The following PELI2 variants were observed in gnomAD, a reference collection of about 807,000 sequenced individuals.
The protein encoded by PELI2 is pellino E3 ubiquitin protein ligase family member 2.
A neutral mutation model predicts 42.3 loss-of-function variants in PELI2; 23 were observed. The ratio of observed to expected loss-of-function variants is 0.54; its 90% confidence interval spans 0.39 to 0.77. PELI2 has a LOEUF of 0.77. PELI2 is among the 30% of genes least tolerant of loss of function. The probability of loss-of-function intolerance (pLI) is 0.00; values close to 1 mark genes in which losing one functional copy is unlikely to be tolerated. For synonymous variants in PELI2, 245 were observed against 212.2 expected, an observed-to-expected ratio of 1.15 and a Z score of -1.34; for missense variants, 463 against 553.2, an observed-to-expected ratio of 0.84 and a Z score of 1.64.
At chr14:56,184,119 G>T (rs114410425) in intron 2 of PELI2, among the ~76,000 whole-genome samples, 1 of 151,972 alleles carries the variant, frequency 6.6e-6, no homozygotes, top group Admixed American at 6.5e-5. Flanking sequence ...GACCTTTAAC[G>T]GTCAGCCGAA....
At chr14:56,284,056 A>AT (rs2139883468) in intron 3 of PELI2, among the ~76,000 whole-genome samples, 1 of 152,356 alleles carries the variant, frequency 6.6e-6, no homozygotes, top group Non-Finnish European at 1.5e-5. Context: ...TCCCATTAAA[A>AT]TGATTTCTAG....
chr14:56,267,631 T>G (rs1465523979), intron 2 of PELI2, among the ~76,000 whole-genome samples: 1 of 152,180 alleles, frequency 6.6e-6, no homozygotes, highest in Non-Finnish European at 1.5e-5. Flanking sequence ...GAATAAATAT[T>G]TTCATGGTTC....
At chr14:56,205,284 T>C (rs1255732834) in intron 2 of PELI2, among the ~76,000 whole-genome samples, 1 of 152,012 alleles carries the variant, frequency 6.6e-6, no homozygotes, top group Non-Finnish European at 1.5e-5. Context: ...ATGCATGCAA[T>C]TTGGGAACAG....
chr14:56,137,421 C>CTG (rs1883724434), intron 1 of PELI2, among the ~76,000 whole-genome samples: 1 of 152,136 alleles, frequency 6.6e-6, no homozygotes, highest in Non-Finnish European at 1.5e-5. Flanking sequence ...TCATTGGATC[C>CTG]TGTCCCATTG....
intron 2 of PELI2, among the ~76,000 whole-genome samples, chr14:56,205,029 C>CAA (rs35776509): frequency 0.016 from 1,483 of 91,060 alleles, 22 homozygotes; most frequent in Admixed American, 0.05. Flanking sequence ...GACTCCCTGT[C>CAA]AAAAAAAAAA....
chr14:56,169,228 C>G (rs1254181089), intron 1 of PELI2, among the ~76,000 whole-genome samples: 2 of 152,172 alleles, frequency 1.3e-5, no homozygotes, highest in Admixed American at 1.3e-4. Flanking sequence ...TCCCTGCCGC[C>G]AAGCCCACGG....
intron 5 of PELI2, 145 bp downstream of exon 5, chr14:56,290,601 A>G (rs1018643049): frequency 4.1e-6 from 2 of 493,718 alleles, no homozygotes; most frequent in Non-Finnish European, 6.8e-6. Flanking sequence ...GAATTCCACA[A>G]GCCCCTGAAA....
chr14:56,200,333 G>GT (rs1164934424), intron 2 of PELI2, among the ~76,000 whole-genome samples: 1 of 60,880 alleles, frequency 1.6e-5, no homozygotes, highest in Non-Finnish European at 4.5e-5. Flanking sequence ...CCTCACAACA[G>GT]TTTCACAAGG....
chr14:56,275,902 A>G (rs765717912), intron 2 of PELI2, among the ~76,000 whole-genome samples: 1 of 152,164 alleles, frequency 6.6e-6, no homozygotes, highest in Non-Finnish European at 1.5e-5. Context: ...TGTTTGAACT[A>G]AGTTATAGTG....
At chr14:56,292,520 CATT>C (rs1345208019) in intron 5 of PELI2, among the ~76,000 whole-genome samples, 1 of 152,162 alleles carries the variant, frequency 6.6e-6, no homozygotes, top group Non-Finnish European at 1.5e-5. Flanking sequence ...CAGTACTTGT[CATT>C]TGCAGTCTAA....
chr14:56,193,989 T>G (rs1325993975), intron 2 of PELI2, among the ~76,000 whole-genome samples: 1 of 152,204 alleles, frequency 6.6e-6, no homozygotes, highest in Non-Finnish European at 1.5e-5. Context: ...TGAGCTCTTG[T>G]TAATTTTTTC....
chr14:56,173,226 C>G (rs1885244946), intron 1 of PELI2, among the ~76,000 whole-genome samples: 1 of 152,174 alleles, frequency 6.6e-6, no homozygotes, highest in Admixed American at 6.5e-5. Context: ...ATCCCTCACC[C>G]TGTGCATCCA....
intron 1 of PELI2, among the ~76,000 whole-genome samples, chr14:56,125,754 A>G (rs1883233512): frequency 6.6e-6 from 1 of 152,202 alleles, no homozygotes; most frequent in South Asian, 2.1e-4. Context: ...CCATGTGCCC[A>G]GAGTGGCCAT....
chr14:56,219,195 A>G lies in PELI2; in HGVS notation c.207+40731A>G, dbSNP rs1043378882. Among the ~76,000 whole-genome samples the G allele has an allele frequency of 6.7e-6, 1 of 150,372 alleles. No individual in the cohort carries two copies. The highest frequency in any genetic ancestry group is 6.6e-5 in the Admixed American group (1 of 15,168). Reference sequence around the variant, plus strand: ...AGGACAATAAGGTGTTTGTTTATTTATTTATTTATTTTGGTTTTAAGGAGC... The same window carrying G: ...AGGACAATAAGGTGTTTGTTTATTTGTTTATTTATTTTGGTTTTAAGGAGC... On this transcript the variant is annotated intron_variant, in intron 2 of 5. Transcript: ENST00000267460. This position sits in a 1 kb window ranked among gnomAD's most constrained non-coding sequence, Gnocchi z 4.1.
At chr14:56,272,178 A>G (rs1194962636) in intron 2 of PELI2, among the ~76,000 whole-genome samples, 2 of 152,216 alleles carry the variant, frequency 1.3e-5, no homozygotes, top group East Asian at 1.9e-4. Flanking sequence ...TGGCCCAGGA[A>G]CAATAACTGC....
intron 2 of PELI2, among the ~76,000 whole-genome samples, chr14:56,255,772 G>C (rs1309878273): frequency 6.6e-6 from 1 of 152,124 alleles, no homozygotes. Flanking sequence ...TGTGGGGAAG[G>C]CTGGCTGCCC....
chr14:56,168,236 G>T (rs1594603856), intron 1 of PELI2, among the ~76,000 whole-genome samples: 1 of 151,076 alleles, frequency 6.6e-6, no homozygotes, highest in South Asian at 2.1e-4. Flanking sequence ...AACCAGCCAG[G>T]CTGTGTCCTT....
intron 1 of PELI2, among the ~76,000 whole-genome samples, chr14:56,169,383 A>G (rs987307998): frequency 1.3e-5 from 2 of 152,194 alleles, no homozygotes; most frequent in African/African-American, 4.8e-5. Context: ...ACCACTGGAT[A>G]GGCGATTGGC....
intron 2 of PELI2, among the ~76,000 whole-genome samples, chr14:56,233,426 A>T (rs929414891): frequency 4.6e-5 from 7 of 152,180 alleles, no homozygotes; most frequent in African/African-American, 1.7e-4. Context: ...AATGGAACAG[A>T]ACAGAGCCCT....
Sources: allele counts gnomAD v4.1 joint callset (sites outside exome capture counted in the v4.1 genomes callset), GRCh38; gene constraint gnomAD v4.1.1; non-coding constraint Gnocchi (gnomAD v3.1); transcripts MANE v1.5; gene names NCBI Gene and HGNC (gene_info 2026-07-23, HGNC 2026-07-21).